N4BP2: variants seen among roughly 807,000 people sequenced by gnomAD.
N4BP2 encodes NEDD4-binding protein 2.
Under a neutral mutation model 152.8 loss-of-function variants are expected in N4BP2, and 91 were observed. The observed-to-expected ratio is 0.60, with a 90% CI of 0.50 to 0.71. The LOEUF is 0.71. N4BP2 is among the 30% of genes least tolerant of loss of function. The probability of loss-of-function intolerance (pLI) is 0.00; values close to 1 mark genes in which losing one functional copy is unlikely to be tolerated. For missense variants in N4BP2, 1,923 were observed against 2,059.1 expected (o/e 0.93, Z 1.28); for synonymous variants, 646 against 705.3 (o/e 0.92, Z 1.33).
intron 5 of N4BP2, among the ~76,000 whole-genome samples, chr4:40,109,518 GAC>G (rs947936648): frequency 2.0e-4 from 30 of 152,048 alleles, no homozygotes; most frequent in African/African-American, 7.3e-4. Flanking sequence ...AGGAGTTTGA[GAC>G]CACCCTGGCT....
Position 40,097,391 on chromosome 4 carries a change from A to G in N4BP2, c.51A>G (p.Ala17=). The change falls in exon 3 of 18, where the codon GCA becomes GCG. Residue 17 remains alanine (A), a synonymous_variant. Coordinates refer to ENST00000261435, the MANE Select transcript of N4BP2 (RefSeq NM_018177.6). ...GGGGAAATCCTTTTCGGAAGACTGC[A>G]AACCCTAAGGAAGTTGTCGTATCCA... is the stretch of plus-strand genomic sequence containing the variant. ...NLGGNPFRKT[A]NPKEVVVSSV... 6.2e-7 allele frequency: 1 copy of G among 1,614,146 alleles called. No homozygotes were observed. Among genetic ancestry groups the G allele is most frequent in the Non-Finnish European group, 8.5e-7 (1 of 1,180,004 alleles).
chr4:40,188,714 G>A, the N4BP2 span, among the ~76,000 whole-genome samples: 3,482 of 141,320 alleles, frequency 0.025, 55 homozygotes, highest in Non-Finnish European at 0.038. Flanking sequence ...CAGTGCACTC[G>A]GGCCTGGGTG....
At chr4:40,057,291 G>C (rs947713773) in intron 1 of N4BP2, 1 of 152,414 alleles carries the variant, frequency 6.6e-6, no homozygotes, top group African/African-American at 2.4e-5. Context: ...GCGAAGGCGG[G>C]GGCCGCGGCC....
the N4BP2 span, among the ~76,000 whole-genome samples, chr4:40,178,426 CA>C: frequency 0.75 from 110,924 of 148,826 alleles, 41,327 homozygotes; most frequent in East Asian, 0.95. Flanking sequence ...GCCACCAAAA[CA>C]AAAAAAAAAA....
At chr4:40,177,661 C>G in the N4BP2 span, among the ~76,000 whole-genome samples, 1 of 152,020 alleles carries the variant, frequency 6.6e-6, no homozygotes, top group Non-Finnish European at 1.5e-5. Flanking sequence ...ACTTCTACCT[C>G]AACTAGAGCA....
chr4:40,067,677 A>G (rs1306815114), intron 1 of N4BP2, among the ~76,000 whole-genome samples: 4 of 151,984 alleles, frequency 2.6e-5, no homozygotes, highest in African/African-American at 4.8e-5. Flanking sequence ...GTTTCTCTAC[A>G]TCTTCACCAA....
chr4:40,161,441 A>G (rs962519800), downstream of N4BP2, among the ~76,000 whole-genome samples: 5 of 152,240 alleles, frequency 3.3e-5, no homozygotes, highest in African/African-American at 1.2e-4. Context: ...CATTGAAACA[A>G]AAGAGGCTTA....
intron 2 of N4BP2, among the ~76,000 whole-genome samples, chr4:40,096,599 G>A (rs1279355457): frequency 6.6e-6 from 1 of 152,182 alleles, no homozygotes; most frequent in African/African-American, 2.4e-5. Flanking sequence ...CGCTGGCTTT[G>A]GTGCTAAATA....
chr4:40,096,504 G>T (rs529343681), intron 2 of N4BP2, among the ~76,000 whole-genome samples: 24 of 152,140 alleles, frequency 1.6e-4, no homozygotes, highest in Non-Finnish European at 2.8e-4. Flanking sequence ...CATTTTAAGG[G>T]CTCTGGCTTT....
chr4:40,088,078 A>G (rs1714157474), intron 2 of N4BP2, among the ~76,000 whole-genome samples: 1 of 152,204 alleles, frequency 6.6e-6, no homozygotes, highest in African/African-American at 2.4e-5. Flanking sequence ...TTTACTGAGC[A>G]TAATACTCTG....
chr4:40,140,821 T>C (rs1719855457), intron 14 of N4BP2, among the ~76,000 whole-genome samples: 1 of 151,444 alleles, frequency 6.6e-6, no homozygotes, highest in Non-Finnish European at 1.5e-5. Context: ...CAAGCATCTG[T>C]TTAACAAAGC....
At chr4:40,182,636 C>T in the N4BP2 span, among the ~76,000 whole-genome samples, 14 of 151,352 alleles carry the variant, frequency 9.2e-5, no homozygotes, top group Admixed American at 7.9e-4. Flanking sequence ...TTTGTAGAGA[C>T]GAGGTTTCGC....
At chr4:40,176,295 AAT>A in the N4BP2 span, among the ~76,000 whole-genome samples, 5 of 152,344 alleles carry the variant, frequency 3.3e-5, no homozygotes, top group East Asian at 9.6e-4. Context: ...TCTAAAAAGA[AAT>A]AGTTACAAAC....
chr4:40,078,389 G>A (rs1712997284), intron 2 of N4BP2, among the ~76,000 whole-genome samples: 1 of 151,904 alleles, frequency 6.6e-6, no homozygotes, highest in South Asian at 2.1e-4. Flanking sequence ...CACCTGCCTC[G>A]GCCACCCAAA....
At chr4:40,085,561 AT>A (rs1713858041) in intron 2 of N4BP2, among the ~76,000 whole-genome samples, 3 of 152,078 alleles carry the variant, frequency 2.0e-5, no homozygotes, top group Admixed American at 2.0e-4. Context: ...GAGTCAAGTG[AT>A]CCTCCTGCCT....
chr4:40,182,867 G>C, the N4BP2 span, among the ~76,000 whole-genome samples: 3 of 151,904 alleles, frequency 2.0e-5, no homozygotes, highest in African/African-American at 7.3e-5. Flanking sequence ...AGTAGAGACG[G>C]GGTTTCACCA....
rs1045583589 is a variant in N4BP2, at chr4:40,112,146, T to C, written c.1561T>C (p.Trp521Arg). The C allele has an allele frequency of 1.0e-5, 16 of 1,579,422 alleles. No individual in the cohort carries two copies. The highest frequency in any genetic ancestry group is 3.6e-5 in the Admixed American group (2 of 55,924). The change falls in exon 6 of 18, where the codon TGG becomes CGG. Residue 521 changes from tryptophan to arginine, a missense_variant. By Grantham distance (101) the Trp-to-Arg change is moderately radical. Coordinates refer to ENST00000261435, the MANE Select transcript of N4BP2 (RefSeq NM_018177.6). ...IIIDNTNLQA[W>R]EMKPYVALSQ... ...TATAGATAATACAAACCTACAGGCA[T>C]GGGAAATGAAACCATATGTTGCTTT...
rs1424365872 is a variant in N4BP2 at position 40,142,936 on chromosome 4, A to G, written c.4974+75A>G. The stretch of plus-strand genomic sequence containing the variant: ...TACTCTTGAAGCAGATAAGACACCC[A>G]TATTGTGACTAGATTAAGTTATTCT... On this transcript the variant is annotated intron_variant, in intron 15 of 17. Coordinates refer to ENST00000261435, the MANE Select transcript of N4BP2 (RefSeq NM_018177.6). 8.4e-6 allele frequency: 10 copies of G among 1,193,548 alleles called. No homozygotes were observed. The African/African-American group carries it at 1.2e-4, about 15-fold the overall frequency. 73.9% of individuals were successfully genotyped at this position (1,193,548 alleles called of 1,614,324 possible).
chr4:40,083,597 T>C (rs1713622002), intron 2 of N4BP2, among the ~76,000 whole-genome samples: 1 of 152,226 alleles, frequency 6.6e-6, no homozygotes, highest in Non-Finnish European at 1.5e-5. Flanking sequence ...TTTTAGATTA[T>C]ACAATTCTCT....
Sources: allele counts gnomAD v4.1 joint callset (sites outside exome capture counted in the v4.1 genomes callset), GRCh38; gene constraint gnomAD v4.1.1; transcripts MANE v1.5; gene names NCBI Gene and HGNC (gene_info 2026-07-23, HGNC 2026-07-21).